HMCN1: variants seen among roughly 807,000 people sequenced by gnomAD.
The protein encoded by HMCN1 is hemicentin 1.
Under a neutral mutation model 625.9 loss-of-function variants are expected in HMCN1, and 321 were observed. That is an observed-to-expected ratio of 0.51 (90% CI 0.47 to 0.56). The LOEUF (loss-of-function observed/expected upper bound fraction) is 0.56, where lower values mean the gene tolerates loss of function less well. Ranked by LOEUF, HMCN1 falls within the 20% of genes least tolerant of loss-of-function variation. The pLI is 0.00. For missense variants in HMCN1, 6,588 were observed against 6,887.3 expected, an observed-to-expected ratio of 0.96 and a Z score of 1.54; for synonymous variants, 2,425 against 2,417.6, an observed-to-expected ratio of 1.00 and a Z score of -0.09.
intron 2 of HMCN1, among the ~76,000 whole-genome samples, chr1:185,859,340 A>C (rs1000767653): frequency 6.6e-6 from 1 of 152,164 alleles, no homozygotes; most frequent in Non-Finnish European, 1.5e-5. Context: ...AAGTCTACAT[A>C]AGTCAATCAA....
chr1:186,107,857 C>T (rs981073444), intron 70 of HMCN1, among the ~76,000 whole-genome samples: 2 of 151,890 alleles, frequency 1.3e-5, no homozygotes, highest in African/African-American at 4.8e-5. Flanking sequence ...CAGTTAGACT[C>T]GTCCAATATG....
chr1:185,896,570 A>C (rs1288342949), intron 4 of HMCN1, among the ~76,000 whole-genome samples: 1 of 152,234 alleles, frequency 6.6e-6, no homozygotes, highest in African/African-American at 2.4e-5. Context: ...TTAATACAAA[A>C]TTTGAAAATG....
In HMCN1 at chr1:186,165,126, A is replaced by G. The variant is rs376856594; in HGVS notation, c.15272A>G (p.Gln5091Arg). 6 of 1,614,004 alleles carry G rather than the reference A, an allele frequency of 3.7e-6. No individual in the cohort carries two copies. The highest frequency in any genetic ancestry group is 2.2e-5 in the East Asian group (1 of 44,892). ...TCTGTGGTAGGAGATCGCAGTAATC[A>G]GTGCCCCTCCGGGTTTACCTTAGAC... Reference protein sequence around the residue: ...ASISKGDRSNQCPSGFTLDSV... With the variant: ...ASISKGDRSNRCPSGFTLDSV... Residue 5091 changes from glutamine to arginine, a missense_variant, in exon 98 of 107, where the codon CAG becomes CGG. Around this residue, in one of 3 missense-constraint regions of HMCN1, gnomAD observed 1,954 missense variants for 2,013.1 expected, o/e 0.97. Coordinates refer to ENST00000271588, the MANE Select transcript of HMCN1 (RefSeq NM_031935.3).
At chr1:185,998,805 A>G (rs1033345196) in intron 25 of HMCN1, among the ~76,000 whole-genome samples, 1 of 152,090 alleles carries the variant, frequency 6.6e-6, no homozygotes, top group African/African-American at 2.4e-5. Context: ...ATTAAAGACA[A>G]TGCAATTTCT....
At chr1:185,762,853 A>C (rs1026162160) in intron 1 of HMCN1, among the ~76,000 whole-genome samples, 3 of 152,206 alleles carry the variant, frequency 2.0e-5, no homozygotes, top group African/African-American at 7.2e-5. Context: ...TGTTTATGCA[A>C]AACTCAGACT....
chr1:186,075,577 GCTC>G (rs764781900), intron 53 of HMCN1, among the ~76,000 whole-genome samples: 4 of 152,030 alleles, frequency 2.6e-5, no homozygotes, highest in Non-Finnish European at 4.4e-5. Flanking sequence ...AGTATATAAA[GCTC>G]CTAGCAAAAT....
At chr1:185,869,374 G>A (rs569341992) in intron 4 of HMCN1, among the ~76,000 whole-genome samples, 1 of 152,260 alleles carries the variant, frequency 6.6e-6, no homozygotes, top group East Asian at 1.9e-4. Context: ...GCACTTAAAT[G>A]TTCCACACAA....
At chr1:185,752,105 G>C (rs1654853021) in intron 1 of HMCN1, among the ~76,000 whole-genome samples, 1 of 152,070 alleles carries the variant, frequency 6.6e-6, no homozygotes, top group South Asian at 2.1e-4. Flanking sequence ...TCCAAAATTA[G>C]CTTGTGGACT....
chr1:185,983,021 G>GC (rs1651759235), intron 18 of HMCN1, among the ~76,000 whole-genome samples: 1 of 151,786 alleles, frequency 6.6e-6, no homozygotes, highest in Admixed American at 6.6e-5. Flanking sequence ...ATATTTTTGT[G>GC]CTCTTCTTTG....
Position 186,006,966 on chromosome 1 carries a change from G to C in HMCN1, c.4476-162G>C, listed in dbSNP as rs1226116159. Among the ~76,000 whole-genome samples the C allele has an allele frequency of 3.9e-5, 6 of 152,150 alleles. No homozygotes were observed. In the East Asian group the frequency reaches 9.6e-4, roughly 24 times the overall value. ...TGATTACCTAACTTCTGTTAGCAAAGTGGTTTAAAACTTTTATTCTTGGAG... is the reference window on the plus strand; with the variant it reads ...TGATTACCTAACTTCTGTTAGCAAACTGGTTTAAAACTTTTATTCTTGGAG... On this transcript the variant is annotated intron_variant, in intron 29 of 106. Coordinates refer to ENST00000271588, the MANE Select transcript of HMCN1 (RefSeq NM_031935.3).
chr1:186,063,096 A>ATATATGTATATATG lies in HMCN1; in HGVS notation c.7513+501_7513+502insGTATATATGTATAT, dbSNP rs1553285884. Among the ~76,000 whole-genome samples, 13 of 115,404 alleles carry ATATATGTATATATG rather than the reference A, an allele frequency of 1.1e-4. 2 individuals are homozygous for ATATATGTATATATG. Among genetic ancestry groups the ATATATGTATATATG allele is most frequent in the South Asian group, 1.1e-3 (4 of 3,638 alleles). The allele number at this position is 115,404 out of a possible 152,430, so 75.7% of individuals were successfully genotyped here. A position where few individuals can be genotyped will look rare whatever the true frequency, so the allele number is the denominator to read the frequency against. ...TATATATATATATATATATATATAT[A>ATATATGTATATATG]TATATATCACATTTTCATTACCCAA... On this transcript the variant is annotated intron_variant, in intron 48 of 106. Transcript: ENST00000271588.
intron 49 of HMCN1, 48 bp downstream of exon 49, chr1:186,065,477 A>G: frequency 1.4e-6 from 2 of 1,399,852 alleles, no homozygotes; most frequent in Non-Finnish European, 1.9e-6. Flanking sequence ...ACATGACTGT[A>G]GGCTAAATTT....
At chr1:185,930,321 CA>C (rs1667479674) in intron 10 of HMCN1, among the ~76,000 whole-genome samples, 3 of 152,062 alleles carry the variant, frequency 2.0e-5, no homozygotes, top group South Asian at 2.1e-4. Flanking sequence ...AAAGAGAGGA[CA>C]TTTTTTTTCT....
rs556218598 is a variant in HMCN1, at chr1:186,074,665, A to G, written c.8140-76A>G. On this transcript the variant is annotated intron_variant, in intron 52 of 106. Coordinates refer to ENST00000271588, the MANE Select transcript of HMCN1 (RefSeq NM_031935.3). ...ATTTTCATTTATTTAAAAAATCACA[A>G]AAACTATCAACTGCATGGCCTCTTA... 4.5e-6 allele frequency: 6 copies of G among 1,322,136 alleles called. No homozygotes were observed. The African/African-American group carries it at 5.8e-5, about 13-fold the overall frequency. The allele number at this position is 1,322,136 out of a possible 1,614,324, so 81.9% of individuals were successfully genotyped here. A position where few individuals can be genotyped will look rare whatever the true frequency, so the allele number is the denominator to read the frequency against.
intron 1 of HMCN1, among the ~76,000 whole-genome samples, chr1:185,806,334 T>C (rs1369425187): frequency 6.6e-6 from 1 of 151,642 alleles, no homozygotes; most frequent in Admixed American, 6.6e-5. Context: ...ATGTAGGGAG[T>C]GCTTTTCTCA....
At chr1:185,867,697 A>G (rs1298965584) in intron 4 of HMCN1, among the ~76,000 whole-genome samples, 4 of 152,108 alleles carry the variant, frequency 2.6e-5, no homozygotes, top group Non-Finnish European at 5.9e-5. Flanking sequence ...AGGCAAGAAG[A>G]CACATGGCTG....
At chr1:186,184,713 A>AT (rs34528092) in intron 105 of HMCN1, among the ~76,000 whole-genome samples, 2 of 152,148 alleles carry the variant, frequency 1.3e-5, no homozygotes, top group African/African-American at 4.8e-5. Flanking sequence ...TTTATCCTAA[A>AT]TTTTTTAGTA....
At chr1:185,992,304 T>A (rs1460039340) in intron 22 of HMCN1, among the ~76,000 whole-genome samples, 1 of 152,200 alleles carries the variant, frequency 6.6e-6, no homozygotes. Flanking sequence ...CTTTTTCAGA[T>A]GTGCACTTTT....
chr1:185,959,936 A>T (rs1157161215), intron 11 of HMCN1, among the ~76,000 whole-genome samples: 1 of 151,994 alleles, frequency 6.6e-6, no homozygotes, highest in African/African-American at 2.4e-5. Flanking sequence ...TAAAATGAGG[A>T]GGTTTTTCTA....
Sources: gnomAD v4.1 joint callset for allele counts (sites outside exome capture counted in the v4.1 genomes callset) on GRCh38, gnomAD v4.1.1 for gene constraint, gnomAD v4.1.1 regional missense constraint, MANE v1.5 for transcripts, NCBI Gene and HGNC (gene_info 2026-07-23, HGNC 2026-07-21) for gene names.